The following BRWD3 variants were observed in gnomAD, a reference collection of about 807,000 sequenced individuals.
BRWD3 encodes bromodomain and WD repeat domain containing 3.
A neutral mutation model predicts 149.7 loss-of-function variants in BRWD3; 10 were observed. The observed-to-expected ratio is 0.07, with a 90% CI of 0.04 to 0.11. The LOEUF is 0.11. Ranked by LOEUF, BRWD3 falls within the 10% of genes least tolerant of loss-of-function variation. BRWD3 has a pLI of 1.00. For missense variants in BRWD3, 940 were observed against 1,373.2 expected (o/e 0.68, Z 4.99); for synonymous variants, 504 against 456.7 (o/e 1.10, Z -1.32).
chrX:80,690,132 A>C, intron 31 of BRWD3, 40 bp from the exon 32 acceptor site: 1 of 1,172,017 alleles, frequency 8.5e-7, no homozygotes, highest in Non-Finnish European at 1.2e-6. Flanking sequence ...TGGCTAATAT[A>C]TTTAAAGTAT....
chrX:80,693,097 G>T, intron 27 of BRWD3, 46 bp from the exon 28 acceptor site: 1 of 984,313 alleles, frequency 1.0e-6, no homozygotes, highest in Non-Finnish European at 1.5e-6. Flanking sequence ...GAGAATATTA[G>T]CTCTGTTCCC....
At chrX:80,696,657 C>T in intron 26 of BRWD3, 82 bp downstream of exon 26, 1 of 1,073,862 alleles carries the variant, frequency 9.3e-7, no homozygotes, top group Non-Finnish European at 1.3e-6. Flanking sequence ...TGTTTTCTCT[C>T]CCATTGAGCA....
Position 80,692,980 on chromosome X carries a change from G to A in BRWD3, c.3223C>T (p.Pro1075Ser). 8.3e-7 allele frequency: 1 copy of A among 1,210,995 alleles called. No homozygotes were observed. ...GTVESQQPFQ[P>S]EYPDSSFQCY... The stretch of plus-strand genomic sequence containing the variant: ...TGGAAAGAACTATCAGGATACTCTG[G>A]TTGAAAAGGCTGCTGACTCTCCACA... Residue 1075 changes from proline (P) to serine (S), a missense_variant, in exon 28 of 41, where the codon CCA becomes TCA. Transcript: ENST00000373275.
chrX:80,786,730 G>T (rs751115490), intron 6 of BRWD3, among the ~76,000 whole-genome samples: 2 of 111,473 alleles, frequency 1.8e-5, no homozygotes, highest in Admixed American at 1.9e-4. Flanking sequence ...AGCCAACCTG[G>T]TCTCAAACTC....
chrX:80,692,467 TTC>T (rs2072625225), intron 28 of BRWD3, among the ~76,000 whole-genome samples: 1 of 111,947 alleles, frequency 8.9e-6, no homozygotes, highest in African/African-American at 3.3e-5. Flanking sequence ...ACTCTGGATT[TTC>T]AAGAATAATT....
At chrX:80,732,654 T>A (rs937792048) in intron 12 of BRWD3, among the ~76,000 whole-genome samples, 1 of 111,185 alleles carries the variant, frequency 9.0e-6, no homozygotes, top group African/African-American at 3.3e-5. Context: ...TGAGGAAAAG[T>A]ATAAGCAAAG....
At chrX:80,720,191 C>T (rs921484268) in intron 17 of BRWD3, among the ~76,000 whole-genome samples, 2 of 111,341 alleles carry the variant, frequency 1.8e-5, no homozygotes, top group African/African-American at 6.5e-5. Context: ...GAAATGTACT[C>T]CTTTTAATTA....
rs2072311239 is a variant in BRWD3, at chrX:80,670,068, T to C, written c.*6541A>G. Among the ~76,000 whole-genome samples, 1 of 111,322 alleles carries C rather than the reference T, an allele frequency of 9.0e-6. No homozygotes were observed. The highest frequency in any genetic ancestry group is 1.9e-5 in the Non-Finnish European group (1 of 53,030). On this transcript the variant is annotated 3_prime_UTR_variant, in exon 41 of 41. Transcript: ENST00000373275. Reference sequence around the variant, plus strand: ...ATGTTTATAATCTGTAGATAAGAACTTCATTAAGGCAATTGTCACAGATGG... The same window carrying C: ...ATGTTTATAATCTGTAGATAAGAACCTCATTAAGGCAATTGTCACAGATGG...
Position 80,676,561 on chromosome X carries a change from C to A in BRWD3, c.*48G>T. The stretch of plus-strand genomic sequence containing the variant: ...TGTAGATTTCCTGGTAAATTCCCTG[C>A]AGTAGAAGGCCATTGAATTTTTTAA... On this transcript the variant is annotated 3_prime_UTR_variant, in exon 41 of 41. Coordinates refer to ENST00000373275, the MANE Select transcript of BRWD3 (RefSeq NM_153252.5). The A allele has an allele frequency of 8.4e-7, 1 of 1,189,248 alleles. No individual in the cohort carries two copies.
chrX:80,778,856 G>T (rs1366655582), intron 6 of BRWD3, among the ~76,000 whole-genome samples: 1 of 110,911 alleles, frequency 9.0e-6, no homozygotes, highest in Non-Finnish European at 1.9e-5. Flanking sequence ...AAAATTAGCT[G>T]AGCGTGGTGG....
At chrX:80,807,156 CTT>C (rs2074356066) in intron 4 of BRWD3, among the ~76,000 whole-genome samples, 1 of 111,696 alleles carries the variant, frequency 9.0e-6, no homozygotes, top group Non-Finnish European at 1.9e-5. Context: ...GAGGGAAAGA[CTT>C]AAGTCCAACA....
chrX:80,740,829 A>G (rs1292731032), intron 8 of BRWD3, among the ~76,000 whole-genome samples: 1 of 112,210 alleles, frequency 8.9e-6, no homozygotes, highest in Non-Finnish European at 1.9e-5. Flanking sequence ...ACAGACACAC[A>G]CATACTAACT....
intron 6 of BRWD3, among the ~76,000 whole-genome samples, chrX:80,755,423 T>G (rs1332508368): frequency 9.0e-6 from 1 of 111,585 alleles, no homozygotes; most frequent in Non-Finnish European, 1.9e-5. Context: ...TCAAAGAAAT[T>G]TAAATGAAAA....
intron 4 of BRWD3, among the ~76,000 whole-genome samples, chrX:80,805,077 G>A (rs1445480154): frequency 9.0e-6 from 1 of 111,644 alleles, no homozygotes; most frequent in Admixed American, 9.5e-5. Flanking sequence ...ACTGCAAGCA[G>A]CTTTAATAAA....
At chrX:80,695,707 T>C (rs2072679439) in intron 27 of BRWD3, among the ~76,000 whole-genome samples, 1 of 111,906 alleles carries the variant, frequency 8.9e-6, no homozygotes, top group African/African-American at 3.2e-5. Context: ...GAGTAGGTAT[T>C]TGCAGAAGGT....
intron 6 of BRWD3, among the ~76,000 whole-genome samples, chrX:80,770,591 C>T (rs1252058030): frequency 5.4e-5 from 6 of 111,278 alleles, no homozygotes; most frequent in Non-Finnish European, 9.4e-5. Flanking sequence ...AGGTACTGAT[C>T]GAACGTATTT....
chrX:80,794,522 TA>T (rs893743749), intron 4 of BRWD3, among the ~76,000 whole-genome samples: 5 of 108,387 alleles, frequency 4.6e-5, no homozygotes, highest in African/African-American at 1.7e-4. Flanking sequence ...TAAAAATAAA[TA>T]AAAAAATATA....
chrX:80,671,974 A>G lies in BRWD3; in HGVS notation c.*4635T>C, dbSNP rs2072326542. On this transcript the variant is annotated 3_prime_UTR_variant, in exon 41 of 41. Transcript: ENST00000373275. Reference sequence around the variant, plus strand: ...GACATATGCAAAAACACATTTCCCAACTGGATTTCTAAATATTTTTGCATA... The same window carrying G: ...GACATATGCAAAAACACATTTCCCAGCTGGATTTCTAAATATTTTTGCATA... 8.9e-6 allele frequency: 1 copy of G among 111,807 alleles called. No individual in the cohort carries two copies. Among genetic ancestry groups the G allele is most frequent in the Non-Finnish European group, 1.9e-5 (1 of 53,121 alleles). The allele number at this position is 111,807 out of a possible 1,213,427, so 9.2% of individuals were successfully genotyped here.
At chrX:80,800,238 A>T (rs765482498) in intron 4 of BRWD3, among the ~76,000 whole-genome samples, 34 of 105,690 alleles carry the variant, frequency 3.2e-4, no homozygotes, top group African/African-American at 1.1e-3. Context: ...ATATCTCCTT[A>T]TTAAGAAGGG....
Sources: gnomAD v4.1 joint callset for allele counts (sites outside exome capture counted in the v4.1 genomes callset) on GRCh38, gnomAD v4.1.1 for gene constraint, MANE v1.5 for transcripts, NCBI Gene and HGNC (gene_info 2026-07-23, HGNC 2026-07-21) for gene names.